The following EPHA7 variants were observed in gnomAD, a reference collection of about 807,000 sequenced individuals.
EPHA7 encodes EPH receptor A7, also known as ephrin type-A receptor 7.
In EPHA7, 25 loss-of-function variants were observed where a neutral mutation model predicts 112.6. The ratio of observed to expected loss-of-function variants is 0.22; its 90% CI spans 0.16 to 0.31. The LOEUF (loss-of-function observed/expected upper bound fraction) is 0.31. Ranked by LOEUF, EPHA7 falls within the 10% of genes least tolerant of loss-of-function variation. The probability of loss-of-function intolerance (pLI) is 1.00; values close to 1 mark genes in which losing one functional copy is unlikely to be tolerated. For synonymous variants in EPHA7, 437 were observed against 406.5 expected (o/e 1.07, Z -0.90); for missense variants, 962 against 1,212.6 (o/e 0.79, Z 3.07).
intron 9 of EPHA7, 34 bp downstream of exon 9, chr6:93,263,826 G>A: frequency 1.3e-6 from 2 of 1,572,074 alleles, no homozygotes; most frequent in East Asian, 2.3e-5. Flanking sequence ...TGTTAATAGG[G>A]GTACATCATA....
chr6:93,290,825 T>C lies in EPHA7; in HGVS notation c.1325-18403A>G, dbSNP rs373090298. ...TGCCCAGTGTCCTAGCATTTTAAGA[T>C]TTGTGGCCCAGCAAAAGTCACACAA... On this transcript the variant is annotated intron_variant, in intron 5 of 16. Coordinates refer to ENST00000369303, the MANE Select transcript of EPHA7 (RefSeq NM_004440.4). Among the ~76,000 whole-genome samples, 3 of 152,246 alleles carry C rather than the reference T, an allele frequency of 2.0e-5. 1 individual carries two copies. The highest frequency in any genetic ancestry group is 6.5e-5 in the Admixed American group (1 of 15,292).
intron 5 of EPHA7, among the ~76,000 whole-genome samples, chr6:93,292,034 A>G (rs1198084252): frequency 6.6e-6 from 1 of 152,148 alleles, no homozygotes; most frequent in East Asian, 1.9e-4. Context: ...TTTGGAATTA[A>G]ACAATAACAT....
intron 5 of EPHA7, among the ~76,000 whole-genome samples, chr6:93,308,648 A>T (rs971050607): frequency 9.9e-5 from 15 of 152,088 alleles, no homozygotes; most frequent in Admixed American, 7.2e-4. Context: ...ATAATTGTCA[A>T]ACTAGTTGGG....
chr6:93,250,373 C>T (rs1770151121), intron 14 of EPHA7, among the ~76,000 whole-genome samples: 1 of 152,024 alleles, frequency 6.6e-6, no homozygotes, highest in Non-Finnish European at 1.5e-5. Context: ...TTATTAAGTG[C>T]TTATTATATG....
chr6:93,241,454 C>A lies in EPHA7; in HGVS notation c.*1972G>T, dbSNP rs1039534841. 1 of 214,496 alleles carries A rather than the reference C, an allele frequency of 4.7e-6. No individual in the cohort carries two copies. Among genetic ancestry groups the A allele is most frequent in the Non-Finnish European group, 9.4e-6 (1 of 106,102 alleles). The allele number at this position is 214,496 out of a possible 1,614,324, so 13.3% of individuals were successfully genotyped here. On this transcript the variant is annotated 3_prime_UTR_variant, in exon 17 of 17. Coordinates refer to ENST00000369303, the MANE Select transcript of EPHA7 (RefSeq NM_004440.4). ...CCAAAAATATATTTACAGTCTATTA[C>A]AAAGATTACAAATGGAAGTGTCTAG...
chr6:93,409,907 C>CAAAAAAA (rs35160871), intron 3 of EPHA7: 2 of 114,774 alleles, frequency 1.7e-5, no homozygotes, highest in African/African-American at 2.9e-5. Flanking sequence ...GTACTTAGTC[C>CAAAAAAA]AAAAAAAAAA....
At chr6:93,246,005 C>G (rs778052363) in intron 15 of EPHA7, among the ~76,000 whole-genome samples, 12 of 152,022 alleles carry the variant, frequency 7.9e-5, no homozygotes, top group Middle Eastern at 3.2e-3. Flanking sequence ...GATGAATGGA[C>G]TCTTTTTAAT....
At chr6:93,256,795 T>C (rs1770459546) in intron 12 of EPHA7, among the ~76,000 whole-genome samples, 1 of 152,176 alleles carries the variant, frequency 6.6e-6, no homozygotes, top group South Asian at 2.1e-4. Context: ...CTAAATCCTA[T>C]GACTGTTTAT....
rs1278266164 is a variant in EPHA7, at chr6:93,257,401, T to C, written c.2172+61A>G. ...CATTTTACATTGCAAAAAAAGTTCA[T>C]AAAATTATATTGGTAGCAAGCATAG... On this transcript the variant is annotated intron_variant, in intron 12 of 16. Transcript: ENST00000369303. The C allele has an allele frequency of 3.7e-6, 5 of 1,333,608 alleles. No homozygotes were observed. The East Asian group carries it at 9.4e-5, about 25-fold the overall frequency. The allele number at this position is 1,333,608 out of a possible 1,614,324, so 82.6% of individuals were successfully genotyped here.
chr6:93,414,820 T>G, intron 1 of EPHA7, 53 bp from the exon 2 acceptor site: 1 of 1,383,198 alleles, frequency 7.2e-7, no homozygotes, highest in Non-Finnish European at 1.0e-6. Flanking sequence ...TACGCACACA[T>G]GTAGACATTT....
chr6:93,303,381 C>T (rs78688901), intron 5 of EPHA7, among the ~76,000 whole-genome samples: 2,782 of 151,964 alleles, frequency 0.018, 88 homozygotes, highest in African/African-American at 0.063. Flanking sequence ...CCAGAAGAGT[C>T]TAAGAAGCTT....
intron 6 of EPHA7, among the ~76,000 whole-genome samples, chr6:93,270,815 C>CA (rs2127879722): frequency 6.6e-6 from 1 of 151,828 alleles, no homozygotes; most frequent in Admixed American, 6.6e-5. Flanking sequence ...AGGCATAACT[C>CA]AGGTGACACA....
intron 16 of EPHA7, 119 bp downstream of exon 16, chr6:93,245,179 T>A: frequency 1.1e-6 from 1 of 938,466 alleles, no homozygotes. Context: ...TAAAGAAGTA[T>A]TTTTTTTATC....
At chr6:93,397,709 C>T (rs1297033623) in intron 3 of EPHA7, among the ~76,000 whole-genome samples, 1 of 151,796 alleles carries the variant, frequency 6.6e-6, no homozygotes, top group African/African-American at 2.4e-5. Flanking sequence ...GAATAATAAC[C>T]GTGCCCTTTA....
chr6:93,379,785 T>C (rs747790727), intron 3 of EPHA7, among the ~76,000 whole-genome samples: 3 of 151,988 alleles, frequency 2.0e-5, no homozygotes, highest in African/African-American at 4.8e-5. Context: ...ATTCTAAATA[T>C]AATAACTAAA....
intron 7 of EPHA7, among the ~76,000 whole-genome samples, chr6:93,266,980 T>C (rs1222900241): frequency 1.3e-5 from 2 of 151,796 alleles, no homozygotes; most frequent in African/African-American, 2.4e-5. Context: ...GTCATTTTCA[T>C]ATAATATGAA....
At position 93,272,406 on chromosome 6, in the gene EPHA7, A is replaced by C; in HGVS notation, c.1341T>G (p.Ser447Arg). 1 of 1,611,710 alleles carries C rather than the reference A, an allele frequency of 6.2e-7. No individual in the cohort carries two copies. Among genetic ancestry groups the C allele is most frequent in the Non-Finnish European group, 8.5e-7 (1 of 1,178,434 alleles). ...TTGQAAPSQV[S>R]GVMKERVLQR... ...GCAGTACTCTCTCCTTCATTACTCCACTCACTTGCGAGGGAGCTGTTTGGA... is the reference window on the plus strand; with the variant it reads ...GCAGTACTCTCTCCTTCATTACTCCCCTCACTTGCGAGGGAGCTGTTTGGA... Residue 447 changes from serine to arginine, a missense_variant, in exon 6 of 17, where the codon AGT (serine) becomes AGG (arginine). Physicochemically the swap from Ser to Arg is moderately radical, Grantham distance 110 (BLOSUM62 -1). Coordinates refer to ENST00000369303, the MANE Select transcript of EPHA7 (RefSeq NM_004440.4).
rs138324614 is a variant in EPHA7 at position 93,406,396 on chromosome 6, T to C, written c.832+4105A>G. On this transcript the variant is annotated intron_variant, in intron 3 of 16. Coordinates refer to ENST00000369303, the MANE Select transcript of EPHA7 (RefSeq NM_004440.4). ...CAGTGTTAATTAAAAAAAACAATTA[T>C]CCCAGGCATATCGGGCATATGGTCA... Among the ~76,000 whole-genome samples, 56 of 151,798 alleles carry C rather than the reference T, an allele frequency of 3.7e-4. 1 individual carries two copies. In the East Asian group the frequency reaches 0.01, roughly 28 times the overall value.
At chr6:93,408,271 A>G (rs753245667) in intron 3 of EPHA7, among the ~76,000 whole-genome samples, 3 of 152,096 alleles carry the variant, frequency 2.0e-5, no homozygotes, top group Non-Finnish European at 4.4e-5. Context: ...TTTCATAGCT[A>G]AAGTGCAATA....
Sources: allele counts gnomAD v4.1 joint callset (sites outside exome capture counted in the v4.1 genomes callset), GRCh38; gene constraint gnomAD v4.1.1; transcripts MANE v1.5; gene names NCBI Gene and HGNC (gene_info 2026-07-23, HGNC 2026-07-21).